The following CD69 variants were observed in gnomAD, a reference collection of about 807,000 sequenced individuals.
CD69 encodes CD69 molecule, also known as early activation antigen CD69.
Under a neutral mutation model 21.4 loss-of-function variants are expected in CD69, and 10 were observed. The observed-to-expected ratio is 0.47, with a 90% confidence interval of 0.29 to 0.79. CD69 has a LOEUF of 0.79. Ranked by LOEUF, CD69 falls within the 30% of genes least tolerant of loss-of-function variation. The pLI is 0.09. For synonymous variants in CD69, 63 were observed against 78.2 expected, an observed-to-expected ratio of 0.81 and a Z score of 1.03; for missense variants, 204 against 236.9, an observed-to-expected ratio of 0.86 and a Z score of 0.91.
chr12:9,755,294 A>G, intron 2 of CD69, 33 bp from the exon 3 acceptor site: 1 of 1,560,242 alleles, frequency 6.4e-7, no homozygotes. Context: ...TTTTAGTAAC[A>G]AAAGAAACCA....
chr12:9,756,389 C>G lies in CD69; in HGVS notation c.95G>C (p.Arg32Pro), dbSNP rs752061491. ...NDATSPHFST[R>P]HEGSFQVPVL... is the part of the protein sequence containing the mutation. ...AGGAACTTGGAAGGACCCTTCATGA[C>G]GTGTTGAGAAATGGGGACTGGTGGC... Residue 32 changes from arginine (R) to proline (P), a missense_variant, in exon 2 of 5, where the codon CGT (arginine) becomes CCT (proline). Transcript: ENST00000228434. 6.2e-7 allele frequency: 1 copy of G among 1,613,476 alleles called. No individual in the cohort carries two copies. Among genetic ancestry groups the G allele is most frequent in the Non-Finnish European group, 8.5e-7 (1 of 1,179,666 alleles).
chr12:9,758,484 C>G (rs921829151), intron 1 of CD69, among the ~76,000 whole-genome samples: 2 of 151,986 alleles, frequency 1.3e-5, no homozygotes, highest in South Asian at 2.1e-4. Flanking sequence ...TAAACTGGAC[C>G]AAGAGAAGTT....
chr12:9,756,199 A>T, intron 2 of CD69, 98 bp downstream of exon 2: 1 of 1,079,712 alleles, frequency 9.3e-7, no homozygotes, highest in Non-Finnish European at 1.3e-6. Flanking sequence ...TGAATTAGCT[A>T]GTTTCTGATT....
At chr12:9,760,700 T>C in intron 1 of CD69, 57 bp downstream of exon 1, 1 of 1,219,000 alleles carries the variant, frequency 8.2e-7, no homozygotes, top group South Asian at 1.2e-5. Context: ...GTATAACTAC[T>C]ATTAATGTCA....
rs766558600 is a variant in CD69, at chr12:9,756,439, T to C, written c.65-20A>G. 6.2e-7 allele frequency: 1 copy of C among 1,609,500 alleles called. No homozygotes were observed. Among genetic ancestry groups the C allele is most frequent in the Non-Finnish European group, 8.5e-7 (1 of 1,177,220 alleles). On this transcript the variant is annotated intron_variant, in intron 1 of 4. Coordinates refer to ENST00000228434, the MANE Select transcript of CD69 (RefSeq NM_001781.2). ...CATCATCTGGAAGGGAGAAAGTTGATGATGAGTTCAGGCAGACTATAGAAG... is the reference window on the plus strand; with the variant it reads ...CATCATCTGGAAGGGAGAAAGTTGACGATGAGTTCAGGCAGACTATAGAAG...
At chr12:9,758,142 A>C (rs983108156) in intron 1 of CD69, among the ~76,000 whole-genome samples, 3 of 152,112 alleles carry the variant, frequency 2.0e-5, no homozygotes, top group African/African-American at 7.2e-5. Flanking sequence ...GATAGTTACA[A>C]AAAACTCTAA....
At chr12:9,754,711 G>A (rs772404503) in intron 3 of CD69, 21 bp from the exon 4 acceptor site, 8 of 1,439,662 alleles carry the variant, frequency 5.6e-6, no homozygotes, top group African/African-American at 2.8e-5. Flanking sequence ...GCACAAAGGA[G>A]TTTGTTACAT....
chr12:9,759,546 C>T (rs1434423357), intron 1 of CD69, among the ~76,000 whole-genome samples: 3 of 151,354 alleles, frequency 2.0e-5, no homozygotes, highest in Admixed American at 2.0e-4. Context: ...TAAGTAATGG[C>T]TCGCCTGATT....
Position 9,755,213 on chromosome 12 carries a change from T to C in CD69, c.236A>G (p.Asp79Gly). 1 of 1,614,068 alleles carries C rather than the reference T, an allele frequency of 6.2e-7. No individual in the cohort carries two copies. The highest frequency in any genetic ancestry group is 8.5e-7 in the Non-Finnish European group (1 of 1,179,964). Residue 79 changes from aspartate (D) to glycine (G), a missense_variant, in exon 3 of 5, where the codon GAC (aspartate) becomes GGC (glycine). Coordinates refer to ENST00000228434, the MANE Select transcript of CD69 (RefSeq NM_001781.2). Reference sequence around the variant, plus strand: ...CTCAGAGCATGAAGAAACATGGCTGTCTGATGGCATTGAGAATGTGTATTG... The same window carrying C: ...CTCAGAGCATGAAGAAACATGGCTGCCTGATGGCATTGAGAATGTGTATTG... Reference protein sequence around the residue: ...PGQYTFSMPSDSHVSSCSEDW... With the variant: ...PGQYTFSMPSGSHVSSCSEDW...
rs1279039659 is a variant in CD69, at chr12:9,753,368, A to AT, written c.*112dup. The AT allele has an allele frequency of 2.2e-5, 10 of 450,230 alleles. No homozygotes were observed. The highest frequency in any genetic ancestry group is 3.6e-5 in the Non-Finnish European group (9 of 247,888). 27.9% of individuals were successfully genotyped at this position (450,230 alleles called of 1,614,324 possible). A position where few individuals can be genotyped will look rare whatever the true frequency, so the allele number is the denominator to read the frequency against. On this transcript the variant is annotated 3_prime_UTR_variant, in exon 5 of 5. Coordinates refer to ENST00000228434, the MANE Select transcript of CD69 (RefSeq NM_001781.2). ...AAGAAAATTCCCAAGACACTATAAA[A>AT]TTTTTTTTCACAAAGTCTCTATGGA...
At chr12:9,755,001 GA>G (rs140319358) in intron 3 of CD69, 60 bp downstream of exon 3, 200 of 1,346,188 alleles carry the variant, frequency 1.5e-4, no homozygotes, top group Non-Finnish European at 2.0e-4. Flanking sequence ...GAAACGGAAG[GA>G]AAGCACTGAT....
Position 9,760,773 on chromosome 12 carries a change from C to G in CD69, c.48G>C (p.Pro16=), listed in dbSNP as rs763536808. Residue 16 remains proline, a synonymous_variant, in exon 1 of 5, where the codon CCG becomes CCC. Transcript: ENST00000228434. ...CFVAENSSLH[P]ESGQENDATS... is the part of the protein sequence containing the mutation. ...CTGACTTACTTTCTTGTCCACTCTC[C>G]GGATGCAAAGAGCTGTTCTCTGCTA... 6.2e-7 allele frequency: 1 copy of G among 1,612,538 alleles called. No individual in the cohort carries two copies. Among genetic ancestry groups the G allele is most frequent in the South Asian group, 1.1e-5 (1 of 91,066 alleles).
intron 1 of CD69, among the ~76,000 whole-genome samples, chr12:9,756,741 G>A (rs1194187854): frequency 6.6e-6 from 1 of 152,068 alleles, no homozygotes; most frequent in Non-Finnish European, 1.5e-5. Flanking sequence ...TTTTAATGAT[G>A]ATAAGAACGT....
chr12:9,759,033 C>T (rs1390387490), intron 1 of CD69, among the ~76,000 whole-genome samples: 1 of 152,048 alleles, frequency 6.6e-6, no homozygotes, highest in Non-Finnish European at 1.5e-5. Context: ...GGGTTCACGC[C>T]ATTCTCCTGC....
Position 9,755,744 on chromosome 12 carries a change from A to G in CD69, c.188-483T>C, listed in dbSNP as rs11833176. On this transcript the variant is annotated intron_variant, in intron 2 of 4. Coordinates refer to ENST00000228434, the MANE Select transcript of CD69 (RefSeq NM_001781.2). ...ATATGACTCAGAATATCTCAAAACA[A>G]TGGTAAACATTCCCATTTGTAAAAG... Among the ~76,000 whole-genome samples the G allele has an allele frequency of 6.7e-3, 1,019 of 152,284 alleles. 13 individuals carry two copies. Among genetic ancestry groups the G allele is most frequent in the African/African-American group, 0.023 (968 of 41,546 alleles).
At chr12:9,755,333 A>C in intron 2 of CD69, 72 bp from the exon 3 acceptor site, 1 of 1,231,434 alleles carries the variant, frequency 8.1e-7, no homozygotes, top group Non-Finnish European at 1.2e-6. Context: ...AACTAGCCTT[A>C]GGATGCTATG....
In CD69 at chr12:9,760,495, T is replaced by G. The variant is rs376579532; in HGVS notation, c.64+262A>C. On this transcript the variant is annotated intron_variant, in intron 1 of 4. Transcript: ENST00000228434. ...TCTTCTGAAATTCATTTTTGCGGCTTTCTCTCATCTCAGGTATTCTATCTT... is the reference window on the plus strand; with the variant it reads ...TCTTCTGAAATTCATTTTTGCGGCTGTCTCTCATCTCAGGTATTCTATCTT... 4.6e-5 allele frequency among the ~76,000 whole-genome samples: 7 copies of G among 152,298 alleles called. No individual in the cohort carries two copies. In the East Asian group the frequency reaches 1.3e-3, roughly 29 times the overall value.
At position 9,753,496 on chromosome 12, in the gene CD69, G is replaced by A. The variant is rs777537833; in HGVS notation, c.585C>T (p.Asn195=). The part of the protein sequence containing the change: ...ECEKNLYWIC[N]KPYK Reference sequence around the variant, plus strand: ...TGTTTCCTTATTATTTGTAAGGTTTGTTACATATCCAGTATAAATTCTTCT... The same window carrying A: ...TGTTTCCTTATTATTTGTAAGGTTTATTACATATCCAGTATAAATTCTTCT... Residue 195 remains asparagine (N), a synonymous_variant, in exon 5 of 5, where the codon AAC becomes AAT. Transcript: ENST00000228434. The A allele has an allele frequency of 7.0e-7, 1 of 1,436,402 alleles. No individual in the cohort carries two copies. Among genetic ancestry groups the A allele is most frequent in the Admixed American group, 1.7e-5 (1 of 58,356 alleles). The allele number at this position is 1,436,402 out of a possible 1,614,324, so 89.0% of individuals were successfully genotyped here.
intron 2 of CD69, among the ~76,000 whole-genome samples, 195 bp from the exon 3 acceptor site, chr12:9,755,456 A>G (rs1419224419): frequency 6.6e-6 from 1 of 152,254 alleles, no homozygotes; most frequent in East Asian, 1.9e-4. Flanking sequence ...GTGCCTAATC[A>G]TCATTGGATG....
Sources: allele counts gnomAD v4.1 joint callset (sites outside exome capture counted in the v4.1 genomes callset), GRCh38; gene constraint gnomAD v4.1.1; transcripts MANE v1.5; gene names NCBI Gene and HGNC (gene_info 2026-07-23, HGNC 2026-07-21).